The following STPG2 variants were observed in gnomAD, a reference collection of about 807,000 sequenced individuals.
STPG2 encodes the protein sperm-tail PG-rich repeat-containing protein 2.
Under a neutral mutation model 54.2 loss-of-function variants are expected in STPG2, and 56 were observed. The observed-to-expected ratio is 1.03, with a 90% confidence interval of 0.83 to 1.29. The LOEUF (loss-of-function observed/expected upper bound fraction) is 1.29, where lower values mean the gene tolerates loss of function less well. Among genes scored for constraint, STPG2 ranks in the 50% most tolerant of loss-of-function variants. The probability of loss-of-function intolerance (pLI) is 0.00; values close to 1 mark genes in which losing one functional copy is unlikely to be tolerated. For synonymous variants in STPG2, 200 were observed against 181.8 expected (o/e 1.10, Z -0.81); for missense variants, 596 against 544.9 (o/e 1.09, Z -0.93).
chr4:97,921,546 G>A (rs1297577383), intron 8 of STPG2, among the ~76,000 whole-genome samples: 4 of 151,454 alleles, frequency 2.6e-5, no homozygotes, highest in African/African-American at 9.7e-5. Flanking sequence ...ACTAAATCAA[G>A]CAGAAGAAAG....
intron 3 of STPG2, among the ~76,000 whole-genome samples, chr4:98,122,927 G>A (rs187748485): frequency 6.6e-6 from 1 of 152,096 alleles, no homozygotes; most frequent in Non-Finnish European, 1.5e-5. Flanking sequence ...GTCTTGGGAG[G>A]GTGTATGCAT....
At chr4:97,903,601 G>C (rs912504401) in intron 8 of STPG2, among the ~76,000 whole-genome samples, 6 of 152,142 alleles carry the variant, frequency 3.9e-5, no homozygotes, top group African/African-American at 1.4e-4. Flanking sequence ...AAAAAAGAGG[G>C]GAAGGAGCCA....
At chr4:97,530,750 A>C (rs1349118584) in intron 4 of STPG2, among the ~76,000 whole-genome samples, 1 of 152,194 alleles carries the variant, frequency 6.6e-6, no homozygotes, top group African/African-American at 2.4e-5. Flanking sequence ...GAGAAGGGTC[A>C]GAGAGACAGT....
intron 9 of STPG2, among the ~76,000 whole-genome samples, chr4:97,729,063 T>TCTCTCTCTCTCTC (rs1724710920): frequency 3.2e-5 from 4 of 124,840 alleles, no homozygotes; most frequent in Admixed American, 1.8e-4. Flanking sequence ...CCCCAAGAAT[T>TCTCTCTCTCTCTC]TCTCTCTCTC....
At chr4:97,875,184 C>A (rs1324781907) in intron 8 of STPG2, among the ~76,000 whole-genome samples, 1 of 151,880 alleles carries the variant, frequency 6.6e-6, no homozygotes, top group Non-Finnish European at 1.5e-5. Context: ...TGGATATTTG[C>A]TTTCATTTCC....
At chr4:98,073,841 T>C (rs2110109931) in intron 5 of STPG2, among the ~76,000 whole-genome samples, 1 of 152,264 alleles carries the variant, frequency 6.6e-6, no homozygotes, top group Admixed American at 6.5e-5. Context: ...GCAAGTATAT[T>C]TTAAGTAAAA....
At chr4:97,827,043 CA>C (rs1358051591) in intron 9 of STPG2, among the ~76,000 whole-genome samples, 3 of 152,084 alleles carry the variant, frequency 2.0e-5, no homozygotes, top group Admixed American at 2.0e-4. Flanking sequence ...GAGATTATAA[CA>C]GTAAAATAGA....
intron 4 of STPG2, among the ~76,000 whole-genome samples, chr4:97,502,283 A>AT (rs1730742534): frequency 6.6e-6 from 1 of 151,990 alleles, no homozygotes; most frequent in African/African-American, 2.4e-5. Flanking sequence ...TGCGTCCCTG[A>AT]TAAAAAAAAA....
At chr4:97,940,292 G>A (rs543118726) in intron 8 of STPG2, among the ~76,000 whole-genome samples, 3 of 152,268 alleles carry the variant, frequency 2.0e-5, no homozygotes, top group African/African-American at 7.2e-5. Flanking sequence ...TGATCTTCTT[G>A]TGTAGCATCT....
At chr4:98,140,847 G>A (rs921451855) in intron 1 of STPG2, among the ~76,000 whole-genome samples, 8 of 152,124 alleles carry the variant, frequency 5.3e-5, no homozygotes, top group African/African-American at 1.9e-4. Context: ...ACAAACAAAA[G>A]TGATTGGCAG....
chr4:97,896,043 C>T (rs1469620660), intron 8 of STPG2, among the ~76,000 whole-genome samples: 1 of 151,776 alleles, frequency 6.6e-6, no homozygotes, highest in African/African-American at 2.4e-5. Flanking sequence ...AGTCTGTAAG[C>T]CCAATTTCCT....
intron 9 of STPG2, among the ~76,000 whole-genome samples, chr4:97,786,722 T>C (rs545513807): frequency 5.9e-5 from 9 of 152,148 alleles, no homozygotes; most frequent in Middle Eastern, 3.4e-3. Context: ...CAGGCTAATA[T>C]GCCACTCACC....
chr4:97,575,141 TA>T (rs201404425), intron 10 of STPG2, among the ~76,000 whole-genome samples: 9 of 150,708 alleles, frequency 6.0e-5, no homozygotes, highest in African/African-American at 9.7e-5. Context: ...GAATCAGTGA[TA>T]AAAAAAAACC....
intron 5 of STPG2, among the ~76,000 whole-genome samples, chr4:98,024,676 T>G (rs1736356828): frequency 6.6e-6 from 1 of 152,222 alleles, no homozygotes; most frequent in Non-Finnish European, 1.5e-5. Flanking sequence ...TAAATGCTAT[T>G]GTAAACATAT....
rs1739081268 is a variant in STPG2, at chr4:98,102,768, T to G, written c.612+3185A>C. 1.3e-5 allele frequency among the ~76,000 whole-genome samples: 2 copies of G among 150,748 alleles called. 1 individual carries two copies. Among genetic ancestry groups the G allele is most frequent in the South Asian group, 4.2e-4 (2 of 4,808 alleles). On this transcript the variant is annotated intron_variant, in intron 5 of 10. Coordinates refer to ENST00000295268, the MANE Select transcript of STPG2 (RefSeq NM_174952.3). Reference sequence around the variant, plus strand: ...CCCTTTACCATCAAAGTTCTGGTGGTAGAAGGTGGTAGAGGCATTGAATAT... The same window carrying G: ...CCCTTTACCATCAAAGTTCTGGTGGGAGAAGGTGGTAGAGGCATTGAATAT...
intron 10 of STPG2, among the ~76,000 whole-genome samples, chr4:97,626,121 T>C (rs895975084): frequency 1.3e-5 from 2 of 152,200 alleles, no homozygotes; most frequent in Non-Finnish European, 2.9e-5. Flanking sequence ...ATTCACTCTA[T>C]AACATATTTA....
intron 9 of STPG2, among the ~76,000 whole-genome samples, chr4:97,741,594 C>T (rs1018987839): frequency 8.9e-4 from 136 of 152,244 alleles, no homozygotes; most frequent in Non-Finnish European, 1.6e-3. Context: ...ATGTATGCAG[C>T]CAAGAAACAC....
chr4:98,015,324 T>G (rs1307276249), intron 5 of STPG2, among the ~76,000 whole-genome samples: 1 of 152,140 alleles, frequency 6.6e-6, no homozygotes, highest in Non-Finnish European at 1.5e-5. Context: ...AAAGGGCTAA[T>G]ATCCAGAATC....
At chr4:98,104,231 C>T (rs1560680883) in intron 5 of STPG2, among the ~76,000 whole-genome samples, 1 of 152,122 alleles carries the variant, frequency 6.6e-6, no homozygotes, top group Non-Finnish European at 1.5e-5. Flanking sequence ...TACCATTTAG[C>T]ATTTTATAAG....
Sources: allele counts gnomAD v4.1 joint callset (sites outside exome capture counted in the v4.1 genomes callset), GRCh38; gene constraint gnomAD v4.1.1; transcripts MANE v1.5; gene names NCBI Gene and HGNC (gene_info 2026-07-23, HGNC 2026-07-21).